The following PPP1R3B variants were observed in gnomAD, a reference collection of about 807,000 sequenced individuals.
The protein encoded by PPP1R3B is protein phosphatase 1 regulatory subunit 3B.
Under a neutral mutation model 14.6 loss-of-function variants are expected in PPP1R3B, and 8 were observed. The ratio of observed to expected loss-of-function variants is 0.55; its 90% CI spans 0.32 to 0.99. PPP1R3B has a LOEUF of 0.99. Ranked by LOEUF, PPP1R3B falls within the 50% of genes least tolerant of loss-of-function variation. The pLI, the probability that PPP1R3B is intolerant of heterozygous loss-of-function variation, is 0.04. For missense variants in PPP1R3B, 452 were observed against 360.1 expected (o/e 1.26, Z -2.07); for synonymous variants, 169 against 142.0 (o/e 1.19, Z -1.35).
intron 1 of PPP1R3B, among the ~76,000 whole-genome samples, chr8:9,149,622 T>TA: frequency 6.6e-6 from 1 of 152,370 alleles, no homozygotes; most frequent in South Asian, 2.1e-4. Context: ...ATAATTTTCA[T>TA]TTTTAAAGAC....
intron 1 of PPP1R3B, among the ~76,000 whole-genome samples, chr8:9,148,885 T>A (rs1470505434): frequency 6.6e-6 from 1 of 152,140 alleles, no homozygotes; most frequent in African/African-American, 2.4e-5. Context: ...CTCTCTTTCT[T>A]CTGGTAAGAA....
rs911380437 is a variant in PPP1R3B, at chr8:9,139,214, G to A, written c.*1580C>T. On this transcript the variant is annotated 3_prime_UTR_variant, in exon 2 of 2. Coordinates refer to ENST00000310455, the MANE Select transcript of PPP1R3B (RefSeq NM_024607.4). ...ATTACAGGCATAAGCCACCACACTCGGCCCCAGAGGTCTCTTTTACAACAG... is the reference window on the plus strand; with the variant it reads ...ATTACAGGCATAAGCCACCACACTCAGCCCCAGAGGTCTCTTTTACAACAG... The A allele has an allele frequency of 2.0e-5, 3 of 152,158 alleles. No homozygotes were observed. Among genetic ancestry groups the A allele is most frequent in the African/African-American group, 4.8e-5 (2 of 41,416 alleles). 9.4% of individuals were successfully genotyped at this position (152,158 alleles called of 1,614,324 possible).
At chr8:9,144,060 A>T (rs1353176513) in intron 1 of PPP1R3B, among the ~76,000 whole-genome samples, 5 of 152,172 alleles carry the variant, frequency 3.3e-5, no homozygotes, top group African/African-American at 9.6e-5. Context: ...AAAAAATTTT[A>T]AAGTGGCCTA....
chr8:9,148,485 G>C (rs190513861), intron 1 of PPP1R3B, among the ~76,000 whole-genome samples: 3 of 152,224 alleles, frequency 2.0e-5, no homozygotes, highest in Non-Finnish European at 4.4e-5. Flanking sequence ...GAGTGTATGA[G>C]TGCTGCTCCC....
intron 1 of PPP1R3B, among the ~76,000 whole-genome samples, chr8:9,147,987 C>G (rs1450209729): frequency 6.6e-6 from 1 of 152,130 alleles, no homozygotes; most frequent in Non-Finnish European, 1.5e-5. Flanking sequence ...CCTGTGTGGC[C>G]TCAATCTGGG....
intron 1 of PPP1R3B, among the ~76,000 whole-genome samples, chr8:9,150,147 T>G (rs1453768641): frequency 1.3e-5 from 2 of 152,114 alleles, no homozygotes; most frequent in African/African-American, 4.8e-5. Context: ...AGGAAACATT[T>G]CCTCCTCTCC....
chr8:9,143,219 C>T (rs1032275000), intron 1 of PPP1R3B, among the ~76,000 whole-genome samples: 14 of 152,288 alleles, frequency 9.2e-5, no homozygotes, highest in African/African-American at 3.4e-4. Context: ...TGTGACGTGA[C>T]ATCTCATTGT....
chr8:9,139,000 C>G lies in PPP1R3B; in HGVS notation c.*1794G>C, dbSNP rs1293460254. On this transcript the variant is annotated 3_prime_UTR_variant, in exon 2 of 2. Transcript: ENST00000310455. Reference sequence around the variant, plus strand: ...GTGACGTGATCTCGGCTCACTGCAACCTCCACCTCCTGGGTTCAAGTGATT... The same window carrying G: ...GTGACGTGATCTCGGCTCACTGCAAGCTCCACCTCCTGGGTTCAAGTGATT... 1 of 152,224 alleles carries G rather than the reference C, an allele frequency of 6.6e-6. No homozygotes were observed. The highest frequency in any genetic ancestry group is 2.4e-5 in the African/African-American group (1 of 41,426). 9.4% of individuals were successfully genotyped at this position (152,224 alleles called of 1,614,324 possible).
intron 1 of PPP1R3B, 133 bp from the exon 2 acceptor site, chr8:9,141,801 C>T: frequency 3.6e-6 from 3 of 828,172 alleles, no homozygotes; most frequent in Non-Finnish European, 5.4e-6. Context: ...GGCTACAGGT[C>T]AGGATTAACT....
intron 1 of PPP1R3B, 48 bp from the exon 2 acceptor site, chr8:9,141,716 A>C: frequency 6.5e-7 from 1 of 1,534,982 alleles, no homozygotes; most frequent in Non-Finnish European, 8.9e-7. Flanking sequence ...TGGAGCAATC[A>C]GATCAGACAG....
intron 1 of PPP1R3B, among the ~76,000 whole-genome samples, chr8:9,143,868 T>A (rs1801159937): frequency 6.6e-6 from 1 of 152,124 alleles, no homozygotes. Context: ...AACTATATTT[T>A]CTTTAAGTAA....
Position 9,141,461 on chromosome 8 carries a change from G to C in PPP1R3B, c.191C>G (p.Ser64Cys). Residue 64 changes from serine to cysteine, a missense_variant, in exon 2 of 2, where the codon TCC becomes TGC. Coordinates refer to ENST00000310455, the MANE Select transcript of PPP1R3B (RefSeq NM_024607.4). ...GGCCAGCCCCTGGTTGTCTGCGAAG[G>C]ACACCCGCTTTTTCACCTTCTTCTC... ...VQEKKVKKRV[S>C]FADNQGLALT... The C allele has an allele frequency of 6.2e-7, 1 of 1,614,150 alleles. No homozygotes were observed. Among genetic ancestry groups the C allele is most frequent in the South Asian group, 1.1e-5 (1 of 91,082 alleles).
At position 9,136,851 on chromosome 8, in the gene PPP1R3B, C is replaced by T. The variant is rs1800906046; in HGVS notation, c.*3943G>A. ...TAAAAGGCAACCAAGGTTTTCATCCCCTATCCATTGAGAGGGAAGATCCAG... is the reference window on the plus strand; with the variant it reads ...TAAAAGGCAACCAAGGTTTTCATCCTCTATCCATTGAGAGGGAAGATCCAG... On this transcript the variant is annotated 3_prime_UTR_variant, in exon 2 of 2. Coordinates refer to ENST00000310455, the MANE Select transcript of PPP1R3B (RefSeq NM_024607.4). The T allele has an allele frequency of 1.3e-5, 2 of 152,158 alleles. No individual in the cohort carries two copies. The allele number at this position is 152,158 out of a possible 1,614,324, so 9.4% of individuals were successfully genotyped here.
Position 9,143,635 on chromosome 8 carries a change from G to A in PPP1R3B, c.-17-1967C>T, listed in dbSNP as rs1353762700. ...CAGAATTGCTTGAACCTGGGAGGCG[G>A]AGGTTGCAGTGTGCAGAGATCACAC... On this transcript the variant is annotated intron_variant, in intron 1 of 1. Transcript: ENST00000310455. 2.0e-5 allele frequency among the ~76,000 whole-genome samples: 3 copies of A among 152,124 alleles called. No individual in the cohort carries two copies. The East Asian group carries it at 5.8e-4, about 29-fold the overall frequency.
At chr8:9,150,288 CCT>C (rs796995589) in intron 1 of PPP1R3B, among the ~76,000 whole-genome samples, 21 of 152,322 alleles carry the variant, frequency 1.4e-4, no homozygotes, top group African/African-American at 5.1e-4. Flanking sequence ...TCCAGTCTTT[CCT>C]CTGTTTTCTC....
chr8:9,149,030 A>T (rs1801329601), intron 1 of PPP1R3B, among the ~76,000 whole-genome samples: 1 of 148,482 alleles, frequency 6.7e-6, no homozygotes, highest in Non-Finnish European at 1.5e-5. Flanking sequence ...TACTAAAAAT[A>T]CAAAAAAAAA....
chr8:9,144,385 G>A (rs1253031593), intron 1 of PPP1R3B, among the ~76,000 whole-genome samples: 3 of 151,872 alleles, frequency 2.0e-5, no homozygotes, highest in Admixed American at 1.3e-4. Context: ...GTAGAGACGA[G>A]GTCTCACTAT....
chr8:9,145,466 A>T (rs1172127119), intron 1 of PPP1R3B: 1 of 152,242 alleles, frequency 6.6e-6, no homozygotes, highest in Non-Finnish European at 1.5e-5. Context: ...ACTTTACTAT[A>T]AGAATACGGT....
intron 1 of PPP1R3B, among the ~76,000 whole-genome samples, chr8:9,145,035 T>C (rs330928): frequency 0.67 from 101,495 of 152,048 alleles, 34,458 homozygotes; most frequent in East Asian, 0.94. Context: ...CGGGGAGCCA[T>C]CATGGCCAGC....
Sources: gnomAD v4.1 joint callset for allele counts (sites outside exome capture counted in the v4.1 genomes callset) on GRCh38, gnomAD v4.1.1 for gene constraint, MANE v1.5 for transcripts, NCBI Gene and HGNC (gene_info 2026-07-23, HGNC 2026-07-21) for gene names.